The following GREB1 variants were observed in gnomAD, a reference collection of about 807,000 sequenced individuals.
GREB1 encodes growth regulating estrogen receptor binding 1, also known as protein GREB1.
Under a neutral mutation model 200.7 loss-of-function variants are expected in GREB1, and 106 were observed. That is an observed-to-expected ratio of 0.53 (90% CI 0.45 to 0.62). GREB1 has a LOEUF of 0.62. Among genes scored for constraint, GREB1 ranks in the 20% least tolerant of loss-of-function variants. GREB1 has a pLI of 0.00. For synonymous variants in GREB1, 1,132 were observed against 1,092.4 expected (o/e 1.04, Z -0.72); for missense variants, 2,243 against 2,556.8 (o/e 0.88, Z 2.65).
chr2:11,532,402 C>T (rs1238191348), upstream of GREB1, among the ~76,000 whole-genome samples: 1 of 152,180 alleles, frequency 6.6e-6, no homozygotes, highest in Non-Finnish European at 1.5e-5. Flanking sequence ...TCAGGGCTTG[C>T]TTCTGAAGGG....
chr2:11,583,930 C>T (rs1679787385), intron 7 of GREB1, among the ~76,000 whole-genome samples: 1 of 151,946 alleles, frequency 6.6e-6, no homozygotes, highest in Non-Finnish European at 1.5e-5. Flanking sequence ...AGATGTGATT[C>T]TGGAGGTCAA....
rs533410931 is a variant in GREB1, at chr2:11,566,802, A to T, written c.454+146A>T. 14 of 642,730 alleles carry T rather than the reference A, an allele frequency of 2.2e-5. No homozygotes were observed. The African/African-American group carries it at 2.6e-4, about 12-fold the overall frequency. The allele number at this position is 642,730 out of a possible 1,614,324, so 39.8% of individuals were successfully genotyped here. A position where few individuals can be genotyped will look rare whatever the true frequency, so the allele number is the denominator to read the frequency against. Reference sequence around the variant, plus strand: ...TGCAGCCCTGTTTCTGTTTTTTGGTAGATGAGTTCTTTGTGGAATGGAATG... The same window carrying T: ...TGCAGCCCTGTTTCTGTTTTTTGGTTGATGAGTTCTTTGTGGAATGGAATG... On this transcript the variant is annotated intron_variant, in intron 4 of 32. Coordinates refer to ENST00000381486, the MANE Select transcript of GREB1 (RefSeq NM_014668.4).
chr2:11,620,841 A>T, intron 22 of GREB1, 64 bp from the exon 23 acceptor site: 1 of 900,136 alleles, frequency 1.1e-6, no homozygotes. Context: ...CCAGGTGTTC[A>T]GCCGGTGCCT....
intron 4 of GREB1, among the ~76,000 whole-genome samples, chr2:11,571,714 T>A (rs994114927): frequency 7.9e-5 from 12 of 151,606 alleles, no homozygotes; most frequent in Admixed American, 7.2e-4. Context: ...AACCATGCAT[T>A]TTTTTTTTCT....
At chr2:11,534,315 G>A (rs1251757534) in intron 1 of GREB1, 61 bp downstream of exon 1, 1 of 152,180 alleles carries the variant, frequency 6.6e-6, no homozygotes, top group South Asian at 2.1e-4. Context: ...CAAGCAGCTG[G>A]GGTCAGTTGG....
chr2:11,524,386 T>C (rs555858617), intron 1 of GREB1, among the ~76,000 whole-genome samples: 44 of 152,294 alleles, frequency 2.9e-4, no homozygotes, highest in African/African-American at 1.0e-3. Context: ...GACATGTCCA[T>C]GACTCTTGAG....
intron 1 of GREB1, among the ~76,000 whole-genome samples, chr2:11,498,064 C>T (rs561060766): frequency 2.2e-5 from 3 of 135,522 alleles, no homozygotes; most frequent in Non-Finnish European, 3.1e-5. Context: ...GTCATGAACA[C>T]GGCTCACTGC....
At position 11,592,894 on chromosome 2, in the gene GREB1, C is replaced by G; in HGVS notation, c.1464C>G (p.Pro488=). 2.5e-6 allele frequency: 4 copies of G among 1,595,304 alleles called. No homozygotes were observed. The highest frequency in any genetic ancestry group is 1.1e-5 in the South Asian group (1 of 88,680). ...YQQAPPQPFP[P]APSAAAPVTS... Reference sequence around the variant, plus strand: ...AGGCGCCGCCGCAGCCCTTCCCGCCCGCGCCCAGCGCCGCGGCACCCGTGA... The same window carrying G: ...AGGCGCCGCCGCAGCCCTTCCCGCCGGCGCCCAGCGCCGCGGCACCCGTGA... Residue 488 remains proline (P), a synonymous_variant, in exon 11 of 33, where the codon CCC becomes CCG. Transcript: ENST00000381486.
At chr2:11,594,885 G>A (rs570890486) in intron 11 of GREB1, among the ~76,000 whole-genome samples, 137 of 152,086 alleles carry the variant, frequency 9.0e-4, no homozygotes, top group Admixed American at 1.4e-3. Context: ...TAGTAGAGAC[G>A]GGGTTTCACC....
At chr2:11,551,200 G>A (rs1675787732) in intron 1 of GREB1, among the ~76,000 whole-genome samples, 1 of 152,184 alleles carries the variant, frequency 6.6e-6, no homozygotes, top group Non-Finnish European at 1.5e-5. Context: ...CTGGTGCTGT[G>A]ATTTGAGCTG....
In GREB1 at chr2:11,490,751, G is replaced by C. The variant is rs564141334; in HGVS notation, c.-159+8370G>C. On this transcript the variant is annotated intron_variant, in intron 1 of 2. Transcript: ENST00000628795. ...TTTAGTACAGACAGGGTTTTGCCAT[G>C]TTGGCCAGGCTGGTCTTGAACTCCT... 4.6e-5 allele frequency among the ~76,000 whole-genome samples: 6 copies of C among 129,186 alleles called. No individual in the cohort carries two copies. The South Asian group carries it at 1.4e-3, about 30-fold the overall frequency. The allele number at this position is 129,186 out of a possible 152,430, so 84.8% of individuals were successfully genotyped here.
intron 1 of GREB1, among the ~76,000 whole-genome samples, chr2:11,544,828 T>C (rs1453617039): frequency 6.6e-6 from 1 of 152,154 alleles, no homozygotes; most frequent in Non-Finnish European, 1.5e-5. Context: ...TGTGTTTTTT[T>C]AATTGAGACA....
rs1344798242 is a variant in GREB1, at chr2:11,508,873, C to CTTTTTTT, written c.-159+26504_-159+26510dup. ...GGTGAATCCAAATTTTTCTTTCTCT[C>CTTTTTTT]TTTTTTTTTTTTTTTTTTCGGGACA... On this transcript the variant is annotated intron_variant, in intron 1 of 2. Transcript: ENST00000628795. Among the ~76,000 whole-genome samples, 237 of 139,554 alleles carry CTTTTTTT rather than the reference C, an allele frequency of 1.7e-3. 5 individuals carry two copies. Among genetic ancestry groups the CTTTTTTT allele is most frequent in the African/African-American group, 6.3e-3 (230 of 36,356 alleles). The allele number at this position is 139,554 out of a possible 152,430, so 91.6% of individuals were successfully genotyped here.
chr2:11,619,196 T>G (rs1241641182), intron 22 of GREB1, among the ~76,000 whole-genome samples: 14 of 152,160 alleles, frequency 9.2e-5, no homozygotes, highest in Non-Finnish European at 1.5e-5. Flanking sequence ...ATCCACATCA[T>G]CTCACTCGGC....
At chr2:11,638,000 CTA>C in intron 31 of GREB1, 84 bp downstream of exon 31, 2 of 1,202,018 alleles carry the variant, frequency 1.7e-6, no homozygotes, top group Non-Finnish European at 2.4e-6. Context: ...ACTCTGAATC[CTA>C]AGTCCTCAAC....
chr2:11,535,722 A>G (rs1674261287), intron 1 of GREB1, among the ~76,000 whole-genome samples: 1 of 152,158 alleles, frequency 6.6e-6, no homozygotes, highest in Non-Finnish European at 1.5e-5. Context: ...CTTTAACTAG[A>G]TGGGAAGGCT....
intron 1 of GREB1, among the ~76,000 whole-genome samples, chr2:11,501,221 C>T (rs1673029235): frequency 6.6e-6 from 1 of 152,146 alleles, no homozygotes; most frequent in Non-Finnish European, 1.5e-5. Flanking sequence ...ACTGACTTTG[C>T]ATTTATCAAT....
chr2:11,602,634 G>A, intron 17 of GREB1, 92 bp downstream of exon 17: 6 of 1,109,686 alleles, frequency 5.4e-6, no homozygotes, highest in Non-Finnish European at 8.1e-6. Flanking sequence ...TCCAGGAAGG[G>A]AGGCCTTTCC....
chr2:11,616,981 ACT>A (rs902569309), intron 21 of GREB1, among the ~76,000 whole-genome samples: 2 of 152,146 alleles, frequency 1.3e-5, no homozygotes, highest in African/African-American at 4.8e-5. Context: ...CCTGCCCCTC[ACT>A]GTGGCTGGGG....
Sources: gnomAD v4.1 joint callset for allele counts (sites outside exome capture counted in the v4.1 genomes callset) on GRCh38, gnomAD v4.1.1 for gene constraint, MANE v1.5 for transcripts, NCBI Gene and HGNC (gene_info 2026-07-23, HGNC 2026-07-21) for gene names.